H2BC12: variants seen among roughly 807,000 people sequenced by gnomAD.
The protein encoded by H2BC12 is H2B clustered histone 12, also known as histone H2B type 1-K.
Under a neutral mutation model 6.3 loss-of-function variants are expected in H2BC12, and 6 were observed. That is an observed-to-expected ratio of 0.95 (90% confidence interval 0.52 to 1.87). The LOEUF (loss-of-function observed/expected upper bound fraction) is 1.87. Ranked by LOEUF, H2BC12 falls within the 40% of genes most tolerant of loss-of-function variation. The pLI is 0.01. For synonymous variants in H2BC12, 132 were observed against 78.5 expected, an observed-to-expected ratio of 1.68 and a Z score of -3.60; for missense variants, 119 against 178.4, an observed-to-expected ratio of 0.67 and a Z score of 1.90.
At chr6:27,141,763 C>G (rs1247054920), downstream of H2BC12, among the ~76,000 whole-genome samples, 1 of 152,180 alleles carries the variant, frequency 6.6e-6, no homozygotes, top group East Asian at 1.9e-4. Flanking sequence ...CCTTCCCTGT[C>G]ATTTTTCATG....
chr6:27,139,235 T>G, the H2BC12 span: 1 of 1,489,952 alleles, frequency 6.7e-7, no homozygotes, highest in Non-Finnish European at 9.0e-7. Context: ...GTTTTCAGTC[T>G]GGTCCGCAGA....
downstream of H2BC12, chr6:27,146,266 TCA>T (rs1193668576): frequency 1.5e-6 from 2 of 1,291,752 alleles, no homozygotes; most frequent in Non-Finnish European, 1.1e-6. Flanking sequence ...CATGCATTAC[TCA>T]GTGTGATAAG....
At chr6:27,141,045 T>TG in the H2BC12 span, among the ~76,000 whole-genome samples, 10 of 149,966 alleles carry the variant, frequency 6.7e-5, no homozygotes, top group South Asian at 4.2e-4. Context: ...GGCATCAATC[T>TG]GGGGGAAAAA....
the H2BC12 span, chr6:27,139,688 G>A: frequency 6.6e-7 from 1 of 1,519,318 alleles, no homozygotes; most frequent in Non-Finnish European, 8.8e-7. Flanking sequence ...TTCAACAAAA[G>A]AGTTGAAATG....
At chr6:27,143,062 C>A (rs1265574955), downstream of H2BC12, among the ~76,000 whole-genome samples, 1 of 152,090 alleles carries the variant, frequency 6.6e-6, no homozygotes, top group Non-Finnish European at 1.5e-5. Flanking sequence ...GAACAAATTT[C>A]CCAGGCCCAG....
downstream of H2BC12, among the ~76,000 whole-genome samples, chr6:27,142,668 G>T (rs1760021467): frequency 1.9e-5 from 2 of 104,626 alleles, no homozygotes; most frequent in Non-Finnish European, 3.5e-5. Context: ...AGACAGTCTC[G>T]CTCTGTCGCC....
At chr6:27,145,570 TCTC>T (rs1185542322), downstream of H2BC12, among the ~76,000 whole-genome samples, 1 of 152,140 alleles carries the variant, frequency 6.6e-6, no homozygotes, top group Admixed American at 6.5e-5. Flanking sequence ...GAAGTTCCCT[TCTC>T]CTCTACTCCA....
chr6:27,143,536 T>C (rs1429657652), downstream of H2BC12, among the ~76,000 whole-genome samples: 2 of 151,618 alleles, frequency 1.3e-5, no homozygotes, highest in East Asian at 1.9e-4. Flanking sequence ...ACTAAGTTTT[T>C]CCAGCTCATC....
At position 27,146,469 on chromosome 6, in the gene H2BC12, G is replaced by A. The variant is rs776565160; in HGVS notation, c.330C>T (p.His110=). 5 of 1,614,252 alleles carry A rather than the reference G, an allele frequency of 3.1e-6. No individual in the cohort carries two copies. Among genetic ancestry groups the A allele is most frequent in the Non-Finnish European group, 1.7e-6 (2 of 1,180,048 alleles). The change falls in exon 1 of 1, where the codon CAC becomes CAT. Residue 110 remains histidine (H), a synonymous_variant. Transcript: ENST00000356950. The part of the protein sequence containing the change: ...RLLLPGELAK[H]AVSEGTKAVT... The stretch of plus-strand genomic sequence containing the variant: ...CGGCCTTGGTGCCCTCGGACACGGC[G>A]TGCTTGGCCAACTCCCCGGGCAGCA...
At chr6:27,142,265 A>ATTAACTTTT (rs1360967677), downstream of H2BC12, among the ~76,000 whole-genome samples, 3 of 152,166 alleles carry the variant, frequency 2.0e-5, no homozygotes, top group African/African-American at 7.2e-5. Flanking sequence ...CACTATTAAA[A>ATTAACTTTT]TTAACTTTTT....
At chr6:27,139,381 G>T in the H2BC12 span, 1 of 1,614,228 alleles carries the variant, frequency 6.2e-7, no homozygotes, top group Non-Finnish European at 8.5e-7. Flanking sequence ...GGTGCTGCGC[G>T]ACAACATCCA....
the H2BC12 span, chr6:27,139,412 T>TA: frequency 6.2e-7 from 1 of 1,614,098 alleles, no homozygotes. Context: ...AAGCCAGCCA[T>TA]TCGGCGCCTT....
the H2BC12 span, chr6:27,139,951 T>G: frequency 3.4e-6 from 1 of 291,726 alleles, no homozygotes; most frequent in South Asian, 7.4e-5. Flanking sequence ...GGCTAGATAA[T>G]TAACTTCCCT....
chr6:27,140,352 C>A, the H2BC12 span, among the ~76,000 whole-genome samples: 1 of 152,142 alleles, frequency 6.6e-6, no homozygotes, highest in Non-Finnish European at 1.5e-5. Flanking sequence ...ACTGTTCCCA[C>A]GCGTTTTAAC....
chr6:27,145,439 CAA>C (rs1403618036), downstream of H2BC12, among the ~76,000 whole-genome samples: 3 of 151,986 alleles, frequency 2.0e-5, no homozygotes, highest in Non-Finnish European at 2.9e-5. Flanking sequence ...TTGGTTCTTC[CAA>C]AAAAGTTTCA....
At chr6:27,145,483 C>T (rs529572756), downstream of H2BC12, among the ~76,000 whole-genome samples, 11 of 152,246 alleles carry the variant, frequency 7.2e-5, no homozygotes, top group South Asian at 6.2e-4. Context: ...TCATTCTAGC[C>T]TCTAATCACA....
chr6:27,142,266 T>C (rs1312879628), downstream of H2BC12, among the ~76,000 whole-genome samples: 1 of 152,106 alleles, frequency 6.6e-6, no homozygotes, highest in Non-Finnish European at 1.5e-5. Flanking sequence ...ACTATTAAAA[T>C]TAACTTTTTT....
downstream of H2BC12, among the ~76,000 whole-genome samples, chr6:27,142,636 C>CCT (rs1760020451): frequency 1.0e-5 from 1 of 100,292 alleles, no homozygotes; most frequent in Non-Finnish European, 1.8e-5. Context: ...TCCCCCCCTC[C>CCT]TTTTTTTTTT....
chr6:27,146,050 GAC>G (rs150002575), downstream of H2BC12, among the ~76,000 whole-genome samples: 1,723 of 152,330 alleles, frequency 0.011, 18 homozygotes, highest in Non-Finnish European at 0.017. Context: ...AAGTACACGT[GAC>G]ACAATAGGCT....
Sources: allele counts gnomAD v4.1 joint callset (sites outside exome capture counted in the v4.1 genomes callset), GRCh38; gene constraint gnomAD v4.1.1; transcripts MANE v1.5; gene names NCBI Gene and HGNC (gene_info 2026-07-23, HGNC 2026-07-21).